The following BLM variants were observed in gnomAD, a reference collection of about 807,000 sequenced individuals.
The protein encoded by BLM is BLM RecQ like helicase.
In BLM, 95 loss-of-function variants were observed where a neutral mutation model predicts 135.3. The ratio of observed to expected loss-of-function variants is 0.70; its 90% CI spans 0.59 to 0.83. The LOEUF (loss-of-function observed/expected upper bound fraction) is 0.83. Among genes scored for constraint, BLM ranks in the 40% least tolerant of loss-of-function variants. BLM has a pLI of 0.00. For missense variants in BLM, 1,518 were observed against 1,663.9 expected, an observed-to-expected ratio of 0.91 and a Z score of 1.53; for synonymous variants, 520 against 589.2, an observed-to-expected ratio of 0.88 and a Z score of 1.70.
At position 90,800,479 on chromosome 15, in the gene BLM, G is replaced by A. The variant is rs1481515047; in HGVS notation, c.3358+2142G>A. ...GGGCGGATCACAAGGTCAGGAGTTC[G>A]AGGCCAGCCTGACCAACATGGAGAA... is the stretch of plus-strand genomic sequence containing the variant. On this transcript the variant is annotated intron_variant, in intron 17 of 21. Coordinates refer to ENST00000355112, the MANE Select transcript of BLM (RefSeq NM_000057.4). Among the ~76,000 whole-genome samples the A allele has an allele frequency of 3.9e-5, 6 of 151,994 alleles. No individual in the cohort carries two copies. In the East Asian group the frequency reaches 5.8e-4, roughly 15 times the overall value.
intron 3 of BLM, 86 bp downstream of exon 3, chr15:90,750,153 G>C (rs1895644247): frequency 7.0e-7 from 1 of 1,421,266 alleles, no homozygotes; most frequent in Non-Finnish European, 9.7e-7. Flanking sequence ...TGAATATATA[G>C]AGCTTTTGTC....
intron 5 of BLM, among the ~76,000 whole-genome samples, chr15:90,758,450 G>A (rs1895877843): frequency 6.6e-6 from 1 of 152,136 alleles, no homozygotes; most frequent in Non-Finnish European, 1.5e-5. Flanking sequence ...TTGCACCACT[G>A]CACTCCAGCC....
At chr15:90,756,051 CAA>C (rs1895809095) in intron 5 of BLM, among the ~76,000 whole-genome samples, 1 of 151,392 alleles carries the variant, frequency 6.6e-6, no homozygotes, top group South Asian at 2.1e-4. Context: ...AAGTGCCTTA[CAA>C]TATTAACTAA....
chr15:90,736,881 T>C (rs1194962487), intron 1 of BLM, among the ~76,000 whole-genome samples: 1 of 152,124 alleles, frequency 6.6e-6, no homozygotes, highest in African/African-American at 2.4e-5. Context: ...ATTATTGAAA[T>C]TGATAACCCA....
chr15:90,804,430 C>A, intron 19 of BLM, 71 bp downstream of exon 19: 1 of 1,451,390 alleles, frequency 6.9e-7, no homozygotes, highest in Non-Finnish European at 9.7e-7. Context: ...CTAGGGAACT[C>A]CTTAAGTGAT....
At position 90,725,200 on chromosome 15, in the gene BLM, C is replaced by T. The variant is rs367627813; in HGVS notation, c.-5+7760C>T. ...CTGGGATTACAGGCATAAGCCACCA[C>T]GCCCGGCCCCCAGAGGAAGGTTTTA... On this transcript the variant is annotated intron_variant, in intron 1 of 21. Coordinates refer to ENST00000355112, the MANE Select transcript of BLM (RefSeq NM_000057.4). 4.1e-4 allele frequency among the ~76,000 whole-genome samples: 63 copies of T among 152,132 alleles called. 1 individual carries two copies. In the East Asian group the frequency reaches 7.6e-3, roughly 18 times the overall value.
chr15:90,724,181 T>A (rs1596195474), intron 1 of BLM, among the ~76,000 whole-genome samples: 1 of 152,064 alleles, frequency 6.6e-6, no homozygotes, highest in East Asian at 1.9e-4. Flanking sequence ...CTTGGCTAAC[T>A]TTTTTATTTT....
chr15:90,722,792 ATC>A (rs1336774099), intron 1 of BLM, among the ~76,000 whole-genome samples: 1 of 152,186 alleles, frequency 6.6e-6, no homozygotes, highest in Non-Finnish European at 1.5e-5. Context: ...CCAGAAGTGT[ATC>A]TTTCTGATAC....
intron 1 of BLM, among the ~76,000 whole-genome samples, chr15:90,738,897 C>T (rs1895291027): frequency 6.6e-6 from 1 of 152,166 alleles, no homozygotes; most frequent in Non-Finnish European, 1.5e-5. Flanking sequence ...TGAAATGGTG[C>T]AACCACTGTG....
intron 16 of BLM, among the ~76,000 whole-genome samples, chr15:90,797,773 A>G (rs34813317): frequency 6.6e-6 from 1 of 152,192 alleles, no homozygotes. Flanking sequence ...CTAGCAGGAG[A>G]TGATGAAAAG....
At chr15:90,783,204 A>G (rs1021128208) in intron 13 of BLM, among the ~76,000 whole-genome samples, 2 of 152,182 alleles carry the variant, frequency 1.3e-5, no homozygotes, top group African/African-American at 2.4e-5. Flanking sequence ...TCAGGCTTCT[A>G]TCAGTGTTTG....
rs553872213 is a variant in BLM, at chr15:90,787,113, G to A, written c.2823+2032G>A. On this transcript the variant is annotated intron_variant, in intron 14 of 21. Transcript: ENST00000355112. ...CGCCCAGGCTGGAGTGCAGTGGCGCGATCTCAGCTCACTGCAAGCTCCGCC... is the reference window on the plus strand; with the variant it reads ...CGCCCAGGCTGGAGTGCAGTGGCGCAATCTCAGCTCACTGCAAGCTCCGCC... Among the ~76,000 whole-genome samples the A allele has an allele frequency of 5.1e-4, 64 of 124,280 alleles. No homozygotes were observed. The East Asian group carries it at 0.015, about 29-fold the overall frequency. 81.5% of individuals were successfully genotyped at this position (124,280 alleles called of 152,430 possible). A position where few individuals can be genotyped will look rare whatever the true frequency, so the allele number is the denominator to read the frequency against.
chr15:90,744,647 G>A (rs1448141167), intron 1 of BLM, among the ~76,000 whole-genome samples: 3 of 152,048 alleles, frequency 2.0e-5, no homozygotes, highest in Admixed American at 2.0e-4. Context: ...TGGGATTACA[G>A]GCGTGAGCCA....
intron 1 of BLM, among the ~76,000 whole-genome samples, chr15:90,737,305 A>T (rs1245352992): frequency 2.6e-5 from 4 of 152,130 alleles, no homozygotes; most frequent in Non-Finnish European, 5.9e-5. Flanking sequence ...AGATCAATGG[A>T]TGTATAGCTG....
intron 1 of BLM, among the ~76,000 whole-genome samples, chr15:90,738,440 G>A (rs879740583): frequency 6.6e-6 from 1 of 152,112 alleles, no homozygotes; most frequent in Non-Finnish European, 1.5e-5. Flanking sequence ...CAGGTGTGAT[G>A]GTACTTTGCT....
intron 12 of BLM, among the ~76,000 whole-genome samples, chr15:90,779,962 T>A (rs912469534): frequency 5.3e-5 from 8 of 152,140 alleles, no homozygotes; most frequent in Admixed American, 1.3e-4. Flanking sequence ...TTTTACATCC[T>A]GGAACAGTGC....
chr15:90,748,353 C>T (rs991606604), intron 2 of BLM, among the ~76,000 whole-genome samples: 7 of 152,102 alleles, frequency 4.6e-5, no homozygotes, highest in Non-Finnish European at 8.8e-5. Flanking sequence ...AGTGATCCGC[C>T]CACCTTGGCC....
rs552165885 is a variant in BLM, at chr15:90,805,189, C to A, written c.3751+830C>A. The stretch of plus-strand genomic sequence containing the variant: ...TCTGAAGACCATTGAATATTAAACT[C>A]ATTCTTAAGATAAAATATGTTCTTT... On this transcript the variant is annotated intron_variant, in intron 19 of 21. Transcript: ENST00000355112. Among the ~76,000 whole-genome samples the A allele has an allele frequency of 5.3e-5, 8 of 151,470 alleles. No homozygotes were observed. The South Asian group carries it at 1.7e-3, about 32-fold the overall frequency.
rs1897263405 is a variant in BLM at position 90,805,261 on chromosome 15, GTATGTTA to G, written c.3751+906_3751+912del. On this transcript the variant is annotated intron_variant, in intron 19 of 21. Transcript: ENST00000355112. ...TATATATGGTATAATGGTACCCTATGTATGTTATATATGGTATAATTTTAATTATAGC... is the reference window on the plus strand; with the variant it reads ...TATATATGGTATAATGGTACCCTATGTATATGGTATAATTTTAATTATAGC... Among the ~76,000 whole-genome samples the G allele has an allele frequency of 1.3e-4, 8 of 59,612 alleles. No individual in the cohort carries two copies. In the Admixed American group the frequency reaches 2.4e-3, roughly 18 times the overall value. The allele number at this position is 59,612 out of a possible 152,430, so 39.1% of individuals were successfully genotyped here.
Sources: gnomAD v4.1 joint callset for allele counts (sites outside exome capture counted in the v4.1 genomes callset) on GRCh38, gnomAD v4.1.1 for gene constraint, MANE v1.5 for transcripts, NCBI Gene and HGNC (gene_info 2026-07-23, HGNC 2026-07-21) for gene names.